CCSER1: variants seen among roughly 807,000 people sequenced by gnomAD.
CCSER1 encodes the protein coiled-coil serine rich protein 1.
CCSER1 carries 41 observed loss-of-function variants against 82.0 expected under a neutral mutation model. The ratio of observed to expected loss-of-function variants is 0.50; its 90% CI spans 0.39 to 0.65. CCSER1 has a LOEUF of 0.65. CCSER1 is among the 30% of genes least tolerant of loss of function. The probability of loss-of-function intolerance (pLI) is 0.00; values close to 1 mark genes in which losing one functional copy is unlikely to be tolerated. For synonymous variants in CCSER1, 414 were observed against 383.9 expected, an observed-to-expected ratio of 1.08 and a Z score of -0.92; for missense variants, 1,119 against 1,064.2, an observed-to-expected ratio of 1.05 and a Z score of -0.72.
At chr4:90,203,370 C>T (rs1218060016) in intron 1 of CCSER1, among the ~76,000 whole-genome samples, 4 of 152,094 alleles carry the variant, frequency 2.6e-5, no homozygotes, top group African/African-American at 2.4e-5. Flanking sequence ...CAACAGACCC[C>T]GGTGTGTGAT....
chr4:90,602,064 T>A (rs1251197969), intron 5 of CCSER1, among the ~76,000 whole-genome samples: 2 of 152,300 alleles, frequency 1.3e-5, no homozygotes, highest in East Asian at 1.9e-4. Flanking sequence ...TAGGTGTTGT[T>A]CTAGTCTTCT....
intron 5 of CCSER1, among the ~76,000 whole-genome samples, chr4:90,501,447 C>T (rs950415210): frequency 6.6e-6 from 1 of 152,076 alleles, no homozygotes; most frequent in Non-Finnish European, 1.5e-5. Flanking sequence ...TGTCCTTTGA[C>T]TTAATAATAA....
chr4:90,389,805 A>G (rs1003811087), intron 3 of CCSER1, among the ~76,000 whole-genome samples: 1 of 152,092 alleles, frequency 6.6e-6, no homozygotes, highest in African/African-American at 2.4e-5. Context: ...AAAAACAAGT[A>G]TTTTTTAATT....
At chr4:90,637,928 A>T (rs1725728893) in intron 6 of CCSER1, among the ~76,000 whole-genome samples, 1 of 152,154 alleles carries the variant, frequency 6.6e-6, no homozygotes, top group Non-Finnish European at 1.5e-5. Context: ...CCAAACTTGG[A>T]AAGTGTTTCT....
At chr4:90,939,325 G>A (rs17251158) in intron 9 of CCSER1, among the ~76,000 whole-genome samples, 2,654 of 152,172 alleles carry the variant, frequency 0.017, 32 homozygotes, top group Non-Finnish European at 0.024. Flanking sequence ...AGTTGAAGAT[G>A]GTTTATTGGA....
chr4:91,153,308 T>G (rs1406183853), intron 10 of CCSER1, among the ~76,000 whole-genome samples: 1 of 151,970 alleles, frequency 6.6e-6, no homozygotes, highest in East Asian at 1.9e-4. Flanking sequence ...GAATCGGCTC[T>G]TGAAGCTTGT....
chr4:90,859,400 T>C (rs1482944467), intron 8 of CCSER1, among the ~76,000 whole-genome samples: 1 of 151,862 alleles, frequency 6.6e-6, no homozygotes, highest in Non-Finnish European at 1.5e-5. Context: ...ACTACAGTAA[T>C]TGCTCTCTTT....
intron 5 of CCSER1, among the ~76,000 whole-genome samples, chr4:90,576,037 A>G (rs1005217438): frequency 8.6e-5 from 13 of 151,886 alleles, no homozygotes; most frequent in African/African-American, 2.7e-4. Context: ...TTTCTCAGAT[A>G]TGTTCCCTCT....
intron 9 of CCSER1, among the ~76,000 whole-genome samples, chr4:90,961,449 C>CTATACCTA (rs1225057442): frequency 6.6e-6 from 1 of 152,036 alleles, no homozygotes; most frequent in African/African-American, 2.4e-5. Flanking sequence ...AGGTACATGT[C>CTATACCTA]TATACCTATA....
At chr4:91,296,483 A>ATATTTATTTATT (rs1553921463) in intron 10 of CCSER1, among the ~76,000 whole-genome samples, 24 of 124,048 alleles carry the variant, frequency 1.9e-4, no homozygotes, top group African/African-American at 6.8e-4. Context: ...ATATATATAT[A>ATATTTATTTATT]TATTTTAATT....
intron 10 of CCSER1, among the ~76,000 whole-genome samples, chr4:91,589,901 T>C (rs78382740): frequency 8.9e-5 from 13 of 146,712 alleles, no homozygotes; most frequent in African/African-American, 2.0e-4. Flanking sequence ...ATCACACATA[T>C]ACACACACAC....
intron 10 of CCSER1, among the ~76,000 whole-genome samples, chr4:91,164,450 G>A (rs1731805363): frequency 6.6e-6 from 1 of 152,094 alleles, no homozygotes; most frequent in Admixed American, 6.5e-5. Context: ...GGTATTCTCT[G>A]TATTTCCTGA....
intron 1 of CCSER1, among the ~76,000 whole-genome samples, chr4:90,162,590 G>C (rs1729662438): frequency 6.6e-6 from 1 of 151,722 alleles, no homozygotes; most frequent in African/African-American, 2.4e-5. Flanking sequence ...CAGTATTATA[G>C]AAGTCTAAAA....
chr4:91,319,858 T>C, intron 10 of CCSER1: 1 of 368,178 alleles, frequency 2.7e-6, no homozygotes, highest in Non-Finnish European at 5.4e-6. Flanking sequence ...CATTTCACTA[T>C]CCACCGTTTC....
At chr4:90,179,341 A>G (rs1042323085) in intron 1 of CCSER1, among the ~76,000 whole-genome samples, 2 of 152,188 alleles carry the variant, frequency 1.3e-5, no homozygotes, top group South Asian at 2.1e-4. Context: ...ATCTAACTGC[A>G]TGTCCTCATG....
At chr4:90,622,750 A>G (rs1448140549) in intron 5 of CCSER1, among the ~76,000 whole-genome samples, 3 of 152,108 alleles carry the variant, frequency 2.0e-5, no homozygotes, top group African/African-American at 7.2e-5. Context: ...TCTTTATAGC[A>G]GCATGATTTA....
At position 90,156,828 on chromosome 4, in the gene CCSER1, A is replaced by G. The variant is rs1219317276; in HGVS notation, c.-42+28997A>G. 3.9e-5 allele frequency among the ~76,000 whole-genome samples: 6 copies of G among 152,128 alleles called. No homozygotes were observed. In the South Asian group the frequency reaches 1.0e-3, roughly 26 times the overall value. The stretch of plus-strand genomic sequence containing the variant: ...CTGATGGGTCTTGACTCTTTATCCA[A>G]TTTGCCAGTCTGTGTCTTTTAATTG... On this transcript the variant is annotated intron_variant, in intron 1 of 10. Transcript: ENST00000509176.
chr4:90,347,777 G>A (rs1336314867), intron 3 of CCSER1, among the ~76,000 whole-genome samples: 1 of 152,060 alleles, frequency 6.6e-6, no homozygotes, highest in African/African-American at 2.4e-5. Context: ...ATAAGTAGAA[G>A]AAAACTAGAA....
At chr4:90,968,807 A>G (rs1734813335) in intron 9 of CCSER1, among the ~76,000 whole-genome samples, 1 of 152,042 alleles carries the variant, frequency 6.6e-6, no homozygotes, top group Admixed American at 6.6e-5. Flanking sequence ...ACAGAACATA[A>G]TAGTTTTCCA....
Sources: gnomAD v4.1 joint callset for allele counts (sites outside exome capture counted in the v4.1 genomes callset) on GRCh38, gnomAD v4.1.1 for gene constraint, MANE v1.5 for transcripts, NCBI Gene and HGNC (gene_info 2026-07-23, HGNC 2026-07-21) for gene names.